LRRC75A: variants seen among roughly 807,000 people sequenced by gnomAD.
LRRC75A encodes the protein leucine rich repeat containing 75A.
In LRRC75A, 12 loss-of-function variants were observed where a neutral mutation model predicts 26.0. That is an observed-to-expected ratio of 0.46 (90% CI 0.30 to 0.75). The LOEUF (loss-of-function observed/expected upper bound fraction) is 0.75. Among genes scored for constraint, LRRC75A ranks in the 30% least tolerant of loss-of-function variants. The probability of loss-of-function intolerance (pLI) is 0.08; values close to 1 mark genes in which losing one functional copy is unlikely to be tolerated. For missense variants in LRRC75A, 410 were observed against 486.6 expected (o/e 0.84, Z 1.48); for synonymous variants, 223 against 219.3 (o/e 1.02, Z -0.15).
At chr17:16,448,375 G>C (rs2143011770) in intron 2 of LRRC75A, 1 of 226,990 alleles carries the variant, frequency 4.4e-6, no homozygotes, top group East Asian at 1.3e-4. Context: ...TAGGAAGCTA[G>C]GATATGGCCA....
chr17:16,476,210 T>C (rs985450585), intron 1 of LRRC75A, among the ~76,000 whole-genome samples: 5 of 143,944 alleles, frequency 3.5e-5, no homozygotes, highest in Admixed American at 6.9e-5. Context: ...ATAATAATAA[T>C]AATAAAAATT....
chr17:16,489,660 G>A (rs1247578967), intron 1 of LRRC75A, among the ~76,000 whole-genome samples: 1 of 152,226 alleles, frequency 6.6e-6, no homozygotes, highest in African/African-American at 2.4e-5. Flanking sequence ...GAACACTCCT[G>A]TGCTCCACTC....
chr17:16,466,145 C>T (rs1384177188), intron 1 of LRRC75A, among the ~76,000 whole-genome samples: 1 of 152,242 alleles, frequency 6.6e-6, no homozygotes, highest in Non-Finnish European at 1.5e-5. Context: ...TCCTTGATGT[C>T]CTCTCCATCC....
chr17:16,446,967 G>A (rs757411524), intron 3 of LRRC75A: 2 of 368,574 alleles, frequency 5.4e-6, no homozygotes, highest in Middle Eastern at 7.5e-4. Flanking sequence ...ACAGAAGGAG[G>A]CACCAGAGTT....
intron 1 of LRRC75A, among the ~76,000 whole-genome samples, chr17:16,482,398 G>A (rs1446761997): frequency 6.6e-6 from 1 of 152,158 alleles, no homozygotes; most frequent in African/African-American, 2.4e-5. Context: ...GAGATAGCTG[G>A]GGGCTCTTCC....
Position 16,466,662 on chromosome 17 carries a change from G to A in LRRC75A, c.247-4276C>T, listed in dbSNP as rs372338154. 2.6e-5 allele frequency among the ~76,000 whole-genome samples: 4 copies of A among 152,228 alleles called. No individual in the cohort carries two copies. In the East Asian group the frequency reaches 5.8e-4, roughly 22 times the overall value. ...GCTGGCCTGACACCGAGTCACTCTCGGCTCCCTTTCCGAGCTGCCGGACCC... is the reference window on the plus strand; with the variant it reads ...GCTGGCCTGACACCGAGTCACTCTCAGCTCCCTTTCCGAGCTGCCGGACCC... On this transcript the variant is annotated intron_variant, in intron 1 of 3. Coordinates refer to ENST00000470794, the MANE Select transcript of LRRC75A (RefSeq NM_001113567.3).
intron 2 of LRRC75A, among the ~76,000 whole-genome samples, chr17:16,452,672 G>C (rs2093642599): frequency 6.6e-6 from 1 of 151,996 alleles, no homozygotes; most frequent in Non-Finnish European, 1.5e-5. Flanking sequence ...CTGACCTCGT[G>C]ATCTGCCCGC....
intron 3 of LRRC75A, among the ~76,000 whole-genome samples, chr17:16,444,854 T>TC (rs2093567641): frequency 6.8e-6 from 1 of 146,560 alleles, no homozygotes; most frequent in African/African-American, 2.6e-5. Flanking sequence ...TTTTCCACAT[T>TC]TTTTTTTTTT....
intron 1 of LRRC75A, among the ~76,000 whole-genome samples, chr17:16,477,253 G>A (rs1231734291): frequency 6.6e-6 from 1 of 152,136 alleles, no homozygotes; most frequent in Non-Finnish European, 1.5e-5. Context: ...CCCAAAATTG[G>A]GCACCACAAC....
At chr17:16,478,653 G>A (rs1601197534) in intron 1 of LRRC75A, 1 of 152,170 alleles carries the variant, frequency 6.6e-6, no homozygotes, top group Non-Finnish European at 1.5e-5. Context: ...ACCTTTTCTG[G>A]AGAGATGGGA....
At chr17:16,475,565 T>C (rs1272603730) in intron 1 of LRRC75A, among the ~76,000 whole-genome samples, 3 of 152,174 alleles carry the variant, frequency 2.0e-5, no homozygotes, top group South Asian at 2.1e-4. Flanking sequence ...TATCCATTTA[T>C]GCTTTTGAGA....
chr17:16,479,252 C>T (rs982505900), intron 1 of LRRC75A, among the ~76,000 whole-genome samples: 3 of 152,218 alleles, frequency 2.0e-5, no homozygotes, highest in Non-Finnish European at 2.9e-5. Context: ...TTCCCAATTG[C>T]TTCAGCTCCT....
intron 2 of LRRC75A, among the ~76,000 whole-genome samples, chr17:16,451,725 A>G (rs1159694595): frequency 6.6e-6 from 1 of 151,682 alleles, no homozygotes; most frequent in Non-Finnish European, 1.5e-5. Context: ...GGAATCTTTC[A>G]TACCGGAATC....
intron 2 of LRRC75A, among the ~76,000 whole-genome samples, chr17:16,456,184 AGAGGAGGAAG>A (rs1441711425): frequency 1.5e-4 from 15 of 100,492 alleles, no homozygotes; most frequent in African/African-American, 4.3e-4. Context: ...AGGAGGAGGA[AGAGGAGGAAG>A]GAGGAGGAAG....
intron 2 of LRRC75A, among the ~76,000 whole-genome samples, chr17:16,453,483 C>T (rs1226963153): frequency 3.9e-5 from 6 of 152,218 alleles, no homozygotes; most frequent in Admixed American, 6.5e-5. Flanking sequence ...GAGGAGCCTG[C>T]GTCTCCTCAC....
chr17:16,443,718 C>A lies in LRRC75A; in HGVS notation c.905G>T (p.Gly302Val). The A allele has an allele frequency of 6.2e-7, 1 of 1,613,556 alleles. No individual in the cohort carries two copies. The highest frequency in any genetic ancestry group is 8.5e-7 in the Non-Finnish European group (1 of 1,179,722). The change falls in exon 4 of 4, where the codon GGT (glycine) becomes GTT (valine). Residue 302 changes from glycine (G) to valine (V), a missense_variant. By Grantham distance (109) the Gly-to-Val change is moderately radical. Coordinates refer to ENST00000470794, the MANE Select transcript of LRRC75A (RefSeq NM_001113567.3). Reference sequence around the variant, plus strand: ...CTCCTCCCCACTGCCTGGGCCCTCACCCAGCTCCAGGATGGTGGGTAGGTG... The same window carrying A: ...CTCCTCCCCACTGCCTGGGCCCTCAACCAGCTCCAGGATGGTGGGTAGGTG... ...QGHLPTILELGEGPGSGEEVR... is the reference protein window; with the variant it reads ...QGHLPTILELVEGPGSGEEVR...
chr17:16,489,996 C>T (rs1014998585), intron 1 of LRRC75A, among the ~76,000 whole-genome samples: 10 of 152,142 alleles, frequency 6.6e-5, no homozygotes, highest in Non-Finnish European at 1.3e-4. Flanking sequence ...AGGGGCTTAT[C>T]TACTCTCCCT....
intron 1 of LRRC75A, among the ~76,000 whole-genome samples, chr17:16,464,933 C>T (rs1320908361): frequency 1.3e-5 from 2 of 152,220 alleles, no homozygotes; most frequent in Non-Finnish European, 2.9e-5. Flanking sequence ...AGCTGTGGCC[C>T]AGTGCCTGGT....
chr17:16,451,302 G>C (rs1053941621), intron 2 of LRRC75A, among the ~76,000 whole-genome samples: 1 of 152,144 alleles, frequency 6.6e-6, no homozygotes, highest in African/African-American at 2.4e-5. Flanking sequence ...TGGGGCCATG[G>C]TGGGAGCCGA....
Sources: allele counts gnomAD v4.1 joint callset (sites outside exome capture counted in the v4.1 genomes callset), GRCh38; gene constraint gnomAD v4.1.1; transcripts MANE v1.5; gene names NCBI Gene and HGNC (gene_info 2026-07-23, HGNC 2026-07-21).